ARHGAP12: variants seen among roughly 807,000 people sequenced by gnomAD.
The protein encoded by ARHGAP12 is Rho GTPase activating protein 12.
ARHGAP12 carries 64 observed loss-of-function variants against 108.6 expected under a neutral mutation model. The observed-to-expected ratio is 0.59, with a 90% CI of 0.48 to 0.73. ARHGAP12 has a LOEUF of 0.73. ARHGAP12 is among the 30% of genes least tolerant of loss of function. The pLI, the probability that ARHGAP12 is intolerant of heterozygous loss-of-function variation, is 0.00. For missense variants in ARHGAP12, 940 were observed against 1,005.9 expected (o/e 0.93, Z 0.89); for synonymous variants, 312 against 337.2 (o/e 0.93, Z 0.82).
chr10:31,809,137 C>A lies in ARHGAP12; in HGVS notation c.2129-9G>T, dbSNP rs1353852606. The A allele has an allele frequency of 6.2e-7, 1 of 1,613,136 alleles. No homozygotes were observed. Among genetic ancestry groups the A allele is most frequent in the Admixed American group, 1.7e-5 (1 of 59,882 alleles). The stretch of plus-strand genomic sequence containing the variant: ...CAAGTCCAATTTCTCATCTGAAAAA[C>A]AGCAGGAATTGGACATTTTAAAAAA... On this transcript the variant is annotated splice_polypyrimidine_tract_variant and intron_variant, in intron 17 of 19. Transcript: ENST00000344936.
intron 1 of ARHGAP12, among the ~76,000 whole-genome samples, chr10:31,926,474 C>T (rs1840053425): frequency 6.6e-6 from 1 of 152,184 alleles, no homozygotes; most frequent in African/African-American, 2.4e-5. Context: ...CAAAATAGTG[C>T]ATATTTGCAA....
At chr10:31,829,008 C>T (rs1835729399) in intron 10 of ARHGAP12, among the ~76,000 whole-genome samples, 2 of 151,932 alleles carry the variant, frequency 1.3e-5, no homozygotes, top group African/African-American at 4.8e-5. Flanking sequence ...AAAAATTAGC[C>T]ACGCGTAGTG....
intron 3 of ARHGAP12, among the ~76,000 whole-genome samples, chr10:31,879,796 C>T (rs529622846): frequency 8.5e-5 from 13 of 152,290 alleles, no homozygotes; most frequent in Non-Finnish European, 1.5e-4. Context: ...ACCATCAGTG[C>T]TACACTAGTA....
At chr10:31,863,581 G>A (rs1378048910) in intron 3 of ARHGAP12, among the ~76,000 whole-genome samples, 2 of 152,056 alleles carry the variant, frequency 1.3e-5, no homozygotes, top group African/African-American at 2.4e-5. Flanking sequence ...TATAAGGCTA[G>A]CATAATTCTG....
Position 31,852,521 on chromosome 10 carries a change from G to T in ARHGAP12, c.1166C>A (p.Pro389Gln). 1 of 1,606,062 alleles carries T rather than the reference G, an allele frequency of 6.2e-7. No individual in the cohort carries two copies. The highest frequency in any genetic ancestry group is 8.5e-7 in the Non-Finnish European group (1 of 1,173,226). ...TTCGGTGTCAAGGTTTATTACCTTT[G>T]GCAATTCCCATTCTGACCGAGATCC... Reference protein sequence around the residue: ...ADGSRSEWELPKYNASSQQQR... With the variant: ...ADGSRSEWELQKYNASSQQQR... Residue 389 changes from proline (P) to glutamine (Q), a missense_variant, in exon 6 of 20, where the codon CCA becomes CAA. Coordinates refer to ENST00000344936, the MANE Select transcript of ARHGAP12 (RefSeq NM_018287.7).
chr10:31,840,295 A>AG (rs1259199182), intron 7 of ARHGAP12, among the ~76,000 whole-genome samples: 1 of 152,034 alleles, frequency 6.6e-6, no homozygotes, highest in Non-Finnish European at 1.5e-5. Flanking sequence ...ATAACTCCCC[A>AG]GAAAAAAAAA....
At chr10:31,911,235 G>T (rs572529325) in intron 1 of ARHGAP12, among the ~76,000 whole-genome samples, 32 of 152,232 alleles carry the variant, frequency 2.1e-4, no homozygotes, top group African/African-American at 5.8e-4. Context: ...TGTTGGCCAG[G>T]CTGGTCTCGA....
chr10:31,826,524 G>A, intron 10 of ARHGAP12, 139 bp from the exon 11 acceptor site: 1 of 630,232 alleles, frequency 1.6e-6, no homozygotes. Context: ...TTTTTATTGG[G>A]GATAGATACT....
intron 3 of ARHGAP12, among the ~76,000 whole-genome samples, chr10:31,882,127 G>A (rs896497735): frequency 2.0e-5 from 3 of 151,988 alleles, no homozygotes; most frequent in South Asian, 2.1e-4. Context: ...TTTTAGCCGG[G>A]ATGGTCTCGA....
In ARHGAP12 at chr10:31,908,659, G is replaced by A. The variant is rs779689683; in HGVS notation, c.197C>T (p.Ala66Val). The change falls in exon 3 of 20, where the codon GCC becomes GTC. Residue 66 changes from alanine to valine, a missense_variant. Physicochemically the swap from Ala to Val is moderately conservative, Grantham distance 64. Transcript: ENST00000344936. ...DENSKAFYVPAQYVKEVTRKA... is the reference protein window; with the variant it reads ...DENSKAFYVPVQYVKEVTRKA... ...GCGCGTGACCTCCTTCACATACTGG[G>A]CTGGCACATAAAACGCTTTGGAGTT... 5 of 1,613,960 alleles carry A rather than the reference G, an allele frequency of 3.1e-6. No individual in the cohort carries two copies. The South Asian group carries it at 4.4e-5, about 14-fold the overall frequency.
At chr10:31,831,850 C>A in intron 9 of ARHGAP12, 50 bp from the exon 10 acceptor site, 3 of 1,180,352 alleles carry the variant, frequency 2.5e-6, no homozygotes, top group South Asian at 3.1e-5. Context: ...CAATGAGGTC[C>A]AAGTTCTTAC....
At chr10:31,928,108 C>T (rs1291441216) in intron 1 of ARHGAP12, among the ~76,000 whole-genome samples, 1 of 152,130 alleles carries the variant, frequency 6.6e-6, no homozygotes, top group East Asian at 1.9e-4. Context: ...TGGGTGGAGG[C>T]CTGCAAGCCC....
chr10:31,831,820 T>C lies in ARHGAP12; in HGVS notation c.1387-20A>G, dbSNP rs775087463. On this transcript the variant is annotated intron_variant, in intron 9 of 19. Coordinates refer to ENST00000344936, the MANE Select transcript of ARHGAP12 (RefSeq NM_018287.7). The stretch of plus-strand genomic sequence containing the variant: ...TTGATCCTATGGAACAGAGTAATAC[T>C]GTTTATACAATCACATAGACAATGA... 8.9e-6 allele frequency: 13 copies of C among 1,455,626 alleles called. No homozygotes were observed. The highest frequency in any genetic ancestry group is 1.2e-5 in the Non-Finnish European group (13 of 1,058,136). 90.2% of individuals were successfully genotyped at this position (1,455,626 alleles called of 1,614,324 possible).
intron 19 of ARHGAP12, chr10:31,808,446 T>C: frequency 2.2e-6 from 1 of 464,640 alleles, no homozygotes; most frequent in Admixed American, 3.9e-5. Context: ...TCACATATAA[T>C]ACCTACTTTA....
intron 1 of ARHGAP12, chr10:31,913,808 G>T (rs1204371383): frequency 2.0e-5 from 3 of 150,048 alleles, no homozygotes; most frequent in Non-Finnish European, 2.9e-5. Context: ...GAATTGAAAT[G>T]TAAGGCTGTA....
intron 3 of ARHGAP12, among the ~76,000 whole-genome samples, chr10:31,869,583 TA>T (rs1199840527): frequency 6.6e-6 from 1 of 151,590 alleles, no homozygotes; most frequent in Non-Finnish European, 1.5e-5. Context: ...CCCTCCCCCC[TA>T]AAAAAAACAA....
At chr10:31,900,405 T>C (rs1838869844) in intron 3 of ARHGAP12, among the ~76,000 whole-genome samples, 1 of 152,234 alleles carries the variant, frequency 6.6e-6, no homozygotes, top group South Asian at 2.1e-4. Context: ...TGCTCATGAA[T>C]GTTCATTGCA....
chr10:31,826,190 A>C, intron 11 of ARHGAP12, 114 bp downstream of exon 11: 1 of 712,920 alleles, frequency 1.4e-6, no homozygotes, highest in Non-Finnish European at 2.2e-6. Flanking sequence ...ATTCATTTTT[A>C]TTTGCACACT....
At chr10:31,899,185 G>T (rs1015160028) in intron 3 of ARHGAP12, among the ~76,000 whole-genome samples, 1 of 152,208 alleles carries the variant, frequency 6.6e-6, no homozygotes, top group Non-Finnish European at 1.5e-5. Context: ...CGACAGTGGG[G>T]TGATAGCTAA....
Sources: allele counts gnomAD v4.1 joint callset (sites outside exome capture counted in the v4.1 genomes callset), GRCh38; gene constraint gnomAD v4.1.1; transcripts MANE v1.5; gene names NCBI Gene and HGNC (gene_info 2026-07-23, HGNC 2026-07-21).